Variants in SLC25A21 observed in about 807,000 individuals in gnomAD.
SLC25A21 encodes the protein solute carrier family 25 member 21.
A neutral mutation model predicts 43.8 loss-of-function variants in SLC25A21; 47 were observed. That is an observed-to-expected ratio of 1.07 (90% CI 0.85 to 1.37). The LOEUF is 1.37. Among genes scored for constraint, SLC25A21 ranks in the 40% most tolerant of loss-of-function variants. SLC25A21 has a pLI of 0.00. For missense variants in SLC25A21, 352 were observed against 350.2 expected (o/e 1.00, Z -0.04); for synonymous variants, 131 against 121.3 (o/e 1.08, Z -0.52).
Position 36,678,398 on chromosome 14 carries a change from G to T in SLC25A21, c.*2260C>A. On this transcript the variant is annotated 3_prime_UTR_variant, in exon 10 of 10. Coordinates refer to ENST00000331299, the MANE Select transcript of SLC25A21 (RefSeq NM_030631.4). ...ATAGAGGATTATAACTTCAGGAGAA[G>T]AATAAGCAGAAGGAGCAGATGAACT... 1.8e-6 allele frequency: 2 copies of T among 1,135,212 alleles called. No homozygotes were observed. The highest frequency in any genetic ancestry group is 2.6e-6 in the Non-Finnish European group (2 of 782,894). 70.3% of individuals were successfully genotyped at this position (1,135,212 alleles called of 1,614,324 possible).
chr14:36,940,871 C>T (rs949747115), intron 1 of SLC25A21, among the ~76,000 whole-genome samples: 1 of 152,112 alleles, frequency 6.6e-6, no homozygotes, highest in Non-Finnish European at 1.5e-5. Flanking sequence ...GAGAAAAGTA[C>T]TGTGAAGGAA....
At chr14:36,952,665 G>C (rs1310498646) in intron 1 of SLC25A21, among the ~76,000 whole-genome samples, 4 of 152,112 alleles carry the variant, frequency 2.6e-5, no homozygotes, top group Admixed American at 6.5e-5. Flanking sequence ...GGTTTAAACT[G>C]ACAATTCTTG....
chr14:36,782,000 T>C (rs1162575826), intron 3 of SLC25A21, among the ~76,000 whole-genome samples: 8 of 152,210 alleles, frequency 5.3e-5, no homozygotes, highest in African/African-American at 1.9e-4. Flanking sequence ...AATAGCTTTG[T>C]CAGGTAAGAG....
At chr14:36,886,191 C>G (rs910022523) in intron 1 of SLC25A21, among the ~76,000 whole-genome samples, 1 of 152,032 alleles carries the variant, frequency 6.6e-6, no homozygotes, top group African/African-American at 2.4e-5. Flanking sequence ...TAGCCCTACT[C>G]AATTATAAGC....
intron 1 of SLC25A21, among the ~76,000 whole-genome samples, chr14:37,000,157 C>T (rs1052314710): frequency 3.9e-5 from 6 of 152,066 alleles, no homozygotes; most frequent in Non-Finnish European, 7.4e-5. Context: ...AGTTTGCCTC[C>T]TCTTTCTCTC....
At chr14:36,859,351 G>C (rs1033566852) in intron 2 of SLC25A21, among the ~76,000 whole-genome samples, 7 of 152,164 alleles carry the variant, frequency 4.6e-5, no homozygotes, top group African/African-American at 9.7e-5. Context: ...ACTACTTCAT[G>C]AGTTGTGCAA....
intron 1 of SLC25A21, among the ~76,000 whole-genome samples, chr14:37,040,373 GAGAAAGAA>G (rs767966979): frequency 0.059 from 1,225 of 20,924 alleles, 95 homozygotes; most frequent in Non-Finnish European, 0.063. Flanking sequence ...GAGAGAGAGA[GAGAAAGAA>G]AGAAAGAAAG....
chr14:37,117,247 C>CT lies in SLC25A21; in HGVS notation c.70+55033dup, dbSNP rs34264976. Among the ~76,000 whole-genome samples the CT allele has an allele frequency of 6.0e-4, 91 of 152,074 alleles. 5 individuals are homozygous for CT. The highest frequency in any genetic ancestry group is 5.9e-5 in the Non-Finnish European group (4 of 67,984). ...TAAATAATTCCTCTCATCATCTAAA[C>CT]TTTTTTTCAGGGCATCAGCACTAGA... On this transcript the variant is annotated intron_variant, in intron 1 of 9. Transcript: ENST00000331299.
At chr14:36,787,563 A>C (rs1177447753) in intron 3 of SLC25A21, among the ~76,000 whole-genome samples, 1 of 152,188 alleles carries the variant, frequency 6.6e-6, no homozygotes, top group Admixed American at 6.5e-5. Context: ...AAAGATGAAA[A>C]GAGTGAATAT....
At chr14:37,169,580 A>AACACACACACACACACAC (rs1321339179) in intron 1 of SLC25A21, among the ~76,000 whole-genome samples, 138 of 145,294 alleles carry the variant, frequency 9.5e-4, no homozygotes, top group Non-Finnish European at 1.4e-3. Context: ...AAAAGGTCAT[A>AACACACACACACACACAC]ACACACACAC....
chr14:36,686,845 A>G (rs2139143988), intron 7 of SLC25A21, among the ~76,000 whole-genome samples: 1 of 152,224 alleles, frequency 6.6e-6, no homozygotes, highest in South Asian at 2.1e-4. Context: ...GAACAAAGAG[A>G]CTCAATGATG....
intron 1 of SLC25A21, among the ~76,000 whole-genome samples, chr14:36,938,089 A>G (rs1171737378): frequency 2.6e-5 from 4 of 152,108 alleles, no homozygotes; most frequent in Non-Finnish European, 4.4e-5. Context: ...TGCTGCAAAA[A>G]TGGTCTGCAT....
At chr14:36,856,503 T>C (rs1280519448) in intron 2 of SLC25A21, among the ~76,000 whole-genome samples, 1 of 151,506 alleles carries the variant, frequency 6.6e-6, no homozygotes, top group Non-Finnish European at 1.5e-5. Context: ...CCACTTGGGG[T>C]TGGCCAAAGC....
At chr14:37,002,187 G>T (rs1960503361) in intron 1 of SLC25A21, among the ~76,000 whole-genome samples, 2 of 152,112 alleles carry the variant, frequency 1.3e-5, no homozygotes, top group Admixed American at 1.3e-4. Context: ...CATAAGGAAA[G>T]TACAGGCCAT....
chr14:37,014,030 A>T (rs1343829744), intron 1 of SLC25A21, among the ~76,000 whole-genome samples: 1 of 152,138 alleles, frequency 6.6e-6, no homozygotes, highest in African/African-American at 2.4e-5. Context: ...AATCCTAATG[A>T]TCATATGAGC....
intron 1 of SLC25A21, among the ~76,000 whole-genome samples, chr14:37,158,917 A>G (rs1963893584): frequency 6.6e-6 from 1 of 152,212 alleles, no homozygotes; most frequent in African/African-American, 2.4e-5. Context: ...TACAAAAATC[A>G]GTAGCATTTC....
At chr14:36,853,911 A>G (rs1347896572) in intron 2 of SLC25A21, among the ~76,000 whole-genome samples, 1 of 152,252 alleles carries the variant, frequency 6.6e-6, no homozygotes, top group Non-Finnish European at 1.5e-5. Flanking sequence ...TCCCCCTTCT[A>G]TATAAAAGTA....
At chr14:36,898,434 C>T (rs983255218) in intron 1 of SLC25A21, among the ~76,000 whole-genome samples, 1 of 152,158 alleles carries the variant, frequency 6.6e-6, no homozygotes, top group African/African-American at 2.4e-5. Context: ...CCGTCTGTCA[C>T]CCCTTTCTTT....
chr14:36,932,049 A>C (rs1178947307), intron 1 of SLC25A21, among the ~76,000 whole-genome samples: 2 of 152,122 alleles, frequency 1.3e-5, no homozygotes, highest in African/African-American at 4.8e-5. Flanking sequence ...GTGTGATCCC[A>C]AAGAGTCATT....
Sources: allele counts gnomAD v4.1 joint callset (sites outside exome capture counted in the v4.1 genomes callset), GRCh38; gene constraint gnomAD v4.1.1; transcripts MANE v1.5; gene names NCBI Gene and HGNC (gene_info 2026-07-23, HGNC 2026-07-21).